SIGLEC1: variants seen among roughly 807,000 people sequenced by gnomAD.
SIGLEC1 encodes the protein sialoadhesin.
A neutral mutation model predicts 148.0 loss-of-function variants in SIGLEC1; 132 were observed. The ratio of observed to expected loss-of-function variants is 0.89; its 90% confidence interval spans 0.77 to 1.03. The LOEUF (loss-of-function observed/expected upper bound fraction) is 1.03, where lower values mean the gene tolerates loss of function less well. Ranked by LOEUF, SIGLEC1 falls within the 50% of genes least tolerant of loss-of-function variation. The pLI, the probability that SIGLEC1 is intolerant of heterozygous loss-of-function variation, is 0.00. For synonymous variants in SIGLEC1, 945 were observed against 969.0 expected (o/e 0.98, Z 0.46); for missense variants, 2,253 against 2,271.4 (o/e 0.99, Z 0.16).
Position 3,705,666 on chromosome 20 carries a change from G to T in SIGLEC1, c.706+78C>A, listed in dbSNP as rs1243345007. On this transcript the variant is annotated intron_variant, in intron 4 of 21. Transcript: ENST00000344754. ...CATCAGGAGCAAGGGTTCCGTTTCT[G>T]TGGGCTGGAGAGGGGCTGGTTTCTG... 17 of 1,472,902 alleles carry T rather than the reference G, an allele frequency of 1.2e-5. No homozygotes were observed. In the African/African-American group the frequency reaches 2.2e-4, roughly 19 times the overall value. 91.2% of individuals were successfully genotyped at this position (1,472,902 alleles called of 1,614,324 possible).
Position 3,689,957 on chromosome 20 carries a change from C to T in SIGLEC1, c.4894+5G>A. On this transcript the variant is annotated splice_donor_5th_base_variant and intron_variant, in intron 19 of 21. Coordinates refer to ENST00000344754, the MANE Select transcript of SIGLEC1 (RefSeq NM_023068.4). ...GGCCTGGGAGATGGAGCCCCCTCCCCTCACCTCTGACCCCAAAGTAGGTGG... is the reference window on the plus strand; with the variant it reads ...GGCCTGGGAGATGGAGCCCCCTCCCTTCACCTCTGACCCCAAAGTAGGTGG... 1 of 1,608,778 alleles carries T rather than the reference C, an allele frequency of 6.2e-7. No homozygotes were observed. Among genetic ancestry groups the T allele is most frequent in the Non-Finnish European group, 8.5e-7 (1 of 1,177,380 alleles).
Position 3,691,443 on chromosome 20 carries a change from G to C in SIGLEC1, c.4488C>G (p.Leu1496=). ...GAGCACGAGCCACGTGGGTGAAGGC[G>C]AGAGTGGGCACAGGCTCCGCGTGCA... ...RRLHAEPVPT[L]AFTHVARAQA... Residue 1496 remains leucine (L), a synonymous_variant, in exon 18 of 22, where the codon CTC becomes CTG. Coordinates refer to ENST00000344754, the MANE Select transcript of SIGLEC1 (RefSeq NM_023068.4). The C allele has an allele frequency of 6.2e-7, 1 of 1,613,312 alleles. No individual in the cohort carries two copies. Among genetic ancestry groups the C allele is most frequent in the African/African-American group, 1.3e-5 (1 of 75,082 alleles).
In SIGLEC1 at chr20:3,704,190, G is replaced by C. The variant is rs114909661; in HGVS notation, c.707-99C>G. The C allele has an allele frequency of 4.4e-5, 52 of 1,169,774 alleles. 1 individual carries two copies. The African/African-American group carries it at 6.7e-4, about 15-fold the overall frequency. 72.5% of individuals were successfully genotyped at this position (1,169,774 alleles called of 1,614,324 possible). On this transcript the variant is annotated intron_variant, in intron 4 of 21. Coordinates refer to ENST00000344754, the MANE Select transcript of SIGLEC1 (RefSeq NM_023068.4). ...CCTTTAAAAGCTCAGTCCTAAGGAA[G>C]TATGCCCAGATAAAACAGCAGTCCC...
At chr20:3,689,414 G>A (rs3746634) in intron 20 of SIGLEC1, 186 bp downstream of exon 20, 209,818 of 664,912 alleles carry the variant, frequency 0.32, 34,763 homozygotes, top group Admixed American at 0.37. Flanking sequence ...GAGGAAAGAA[G>A]GAAACTACAG....
At chr20:3,703,565 C>A (rs2087869412) in intron 5 of SIGLEC1, 114 bp from the exon 6 acceptor site, 2 of 1,339,952 alleles carry the variant, frequency 1.5e-6, no homozygotes, top group East Asian at 2.4e-5. Flanking sequence ...CCTACACCAC[C>A]CGCCTGCTGC....
chr20:3,694,184 C>T, intron 13 of SIGLEC1, 37 bp downstream of exon 13: 1 of 1,415,454 alleles, frequency 7.1e-7, no homozygotes, highest in Non-Finnish European at 9.4e-7. Context: ...GACACACACA[C>T]ACACACACAC....
At chr20:3,701,698 C>T in intron 6 of SIGLEC1, 57 bp from the exon 7 acceptor site, 2 of 1,473,772 alleles carry the variant, frequency 1.4e-6, no homozygotes, top group Non-Finnish European at 1.8e-6. Context: ...TCCCTGGATA[C>T]CCTGATACAA....
chr20:3,692,143 C>T lies in SIGLEC1; in HGVS notation c.4090G>A (p.Val1364Met), dbSNP rs34841135. ...TCACTGTCCACAGTGCACTGTATCACAGCCATGGATCTGGCCCTGGAGTCC... is the reference window on the plus strand; with the variant it reads ...TCACTGTCCACAGTGCACTGTATCATAGCCATGGATCTGGCCCTGGAGTCC... ...FRDSRARSMA[V>M]IQCTVDSEPP... Residue 1364 changes from valine (V) to methionine (M), a missense_variant, in exon 17 of 22, where the codon GTG (valine) becomes ATG (methionine). Transcript: ENST00000344754. 3.0e-5 allele frequency: 48 copies of T among 1,593,012 alleles called. No individual in the cohort carries two copies. The African/African-American group carries it at 4.7e-4, about 16-fold the overall frequency.
intron 1 of SIGLEC1, among the ~76,000 whole-genome samples, chr20:3,711,985 T>C (rs550587076): frequency 6.4e-4 from 95 of 149,388 alleles, no homozygotes; most frequent in African/African-American, 2.3e-3. Flanking sequence ...GGGGTGGACA[T>C]TGAGGTTGAG....
At position 3,690,187 on chromosome 20, in the gene SIGLEC1, C is replaced by G; in HGVS notation, c.4669G>C (p.Asp1557His). ...GTCAGGCTGGCGAGCGGCTCGCTGT[C>G]CACTCGGCAATCCAGGATGCCCCGG... ...GLRGILDCRV[D>H]SEPLASLTLH... is the part of the protein sequence containing the mutation. Residue 1557 changes from aspartate (D) to histidine (H), a missense_variant, in exon 19 of 22, where the codon GAC becomes CAC. Asp to His is a moderately conservative substitution (Grantham distance 81, BLOSUM62 -1). Coordinates refer to ENST00000344754, the MANE Select transcript of SIGLEC1 (RefSeq NM_023068.4). The G allele has an allele frequency of 6.4e-7, 1 of 1,568,572 alleles. No individual in the cohort carries two copies. Among genetic ancestry groups the G allele is most frequent in the Non-Finnish European group, 8.6e-7 (1 of 1,157,794 alleles).
At chr20:3,690,972 AGGTGTGT>A (rs1433205683) in intron 18 of SIGLEC1, among the ~76,000 whole-genome samples, 1 of 151,754 alleles carries the variant, frequency 6.6e-6, no homozygotes, top group Non-Finnish European at 1.5e-5. Flanking sequence ...CTGGGATTAC[AGGTGTGT>A]GCCTTCATGC....
At chr20:3,700,977 G>T (rs1217460502) in intron 7 of SIGLEC1, among the ~76,000 whole-genome samples, 1 of 152,112 alleles carries the variant, frequency 6.6e-6, no homozygotes, top group Non-Finnish European at 1.5e-5. Flanking sequence ...GGGATTACAG[G>T]AGTGAGCCAC....
rs756247278 is a variant in SIGLEC1 at position 3,691,497 on chromosome 20, G to T, written c.4434C>A (p.Thr1478=). The T allele has an allele frequency of 1.2e-6, 2 of 1,613,332 alleles. No homozygotes were observed. The highest frequency in any genetic ancestry group is 2.7e-5 in the African/African-American group (2 of 74,962). Residue 1478 remains threonine (T), a synonymous_variant, in exon 18 of 22, where the codon ACC becomes ACA. Coordinates refer to ENST00000344754, the MANE Select transcript of SIGLEC1 (RefSeq NM_023068.4). ...LGGPGPVGNS[T]FAWFWNDRRL... ...GCCGGTCATTCCAGAACCATGCAAA[G>T]GTGGAGTTGCCCACAGGCCCAGGGC...
chr20:3,689,896 G>T, intron 19 of SIGLEC1, 66 bp downstream of exon 19: 1 of 1,384,320 alleles, frequency 7.2e-7, no homozygotes, highest in Non-Finnish European at 1.0e-6. Flanking sequence ...AGGGAAGGAA[G>T]CCTTTGGGCC....
Position 3,693,024 on chromosome 20 carries a change from T to A in SIGLEC1, c.3616A>T (p.Ser1206Cys). 1.2e-6 allele frequency: 2 copies of A among 1,611,634 alleles called. No individual in the cohort carries two copies. Among genetic ancestry groups the A allele is most frequent in the Non-Finnish European group, 1.7e-6 (2 of 1,179,626 alleles). The change falls in exon 15 of 22, where the codon AGC (serine) becomes TGC (cysteine). Residue 1206 changes from serine to cysteine, a missense_variant. Physicochemically the swap from Ser to Cys is moderately radical, Grantham distance 112. Transcript: ENST00000344754. ...GAGGCCAAGAGGCGACCGGCGTGGC[T>A]GAGGGCCAGCTGGGCGGGCGGGCGG... is the stretch of plus-strand genomic sequence containing the variant. ...DSRPPAQLAL[S>C]HAGRLLASST...
Position 3,697,904 on chromosome 20 carries a change from C to T in SIGLEC1, c.2016G>A (p.Leu672=), listed in dbSNP as rs772104138. The T allele has an allele frequency of 1.2e-6, 2 of 1,613,106 alleles. No individual in the cohort carries two copies. Among genetic ancestry groups the T allele is most frequent in the South Asian group, 2.2e-5 (2 of 91,074 alleles). ...GCAAAGGGTTGTGAATCTCCACACG[C>T]AGCAAGTTGGGGGCTTTGGTGACCT... ...RMKVTKAPNL[L]RVEIHNPLLE... Residue 672 remains leucine (L), a synonymous_variant, in exon 9 of 22, where the codon CTG becomes CTA. Coordinates refer to ENST00000344754, the MANE Select transcript of SIGLEC1 (RefSeq NM_023068.4).
In SIGLEC1 at chr20:3,692,579, G is replaced by A. The variant is rs1411249575; in HGVS notation, c.3972C>T (p.Cys1324=). Residue 1324 remains cysteine, a synonymous_variant, in exon 16 of 22, where the codon TGC becomes TGT. Transcript: ENST00000344754. ...GGGTGCCCTGGGCATCCTGGGCCTG[G>A]CAAGAGTAGGCGCCTGCATGAGCCC... ...ATRAHAGAYS[C]QAQDAQGTRS... is the part of the protein sequence containing the mutation. 2 of 1,611,156 alleles carry A rather than the reference G, an allele frequency of 1.2e-6. No homozygotes were observed. Among genetic ancestry groups the A allele is most frequent in the South Asian group, 2.2e-5 (2 of 90,974 alleles).
Position 3,707,140 on chromosome 20 carries a change from G to C in SIGLEC1, c.-12C>G, listed in dbSNP as rs763041993. 18 of 1,613,800 alleles carry C rather than the reference G, an allele frequency of 1.1e-5. No individual in the cohort carries two copies. The highest frequency in any genetic ancestry group is 1.4e-5 in the Non-Finnish European group (17 of 1,179,766). ...GGCAAGAAGCCCATAGCAGGTTCTTGTGCTGCTCCTGTTGCCTAAGAGGGT... is the reference window on the plus strand; with the variant it reads ...GGCAAGAAGCCCATAGCAGGTTCTTCTGCTGCTCCTGTTGCCTAAGAGGGT... On this transcript the variant is annotated 5_prime_UTR_variant, in exon 2 of 22. Transcript: ENST00000344754.
intron 3 of SIGLEC1, 43 bp from the exon 4 acceptor site, chr20:3,706,083 C>T (rs376619966): frequency 1.9e-6 from 3 of 1,574,992 alleles, no homozygotes; most frequent in Non-Finnish European, 2.6e-6. Flanking sequence ...CTTTTGCCAC[C>T]CCTGAGATCC....
Sources: allele counts gnomAD v4.1 joint callset (sites outside exome capture counted in the v4.1 genomes callset), GRCh38; gene constraint gnomAD v4.1.1; transcripts MANE v1.5; gene names NCBI Gene and HGNC (gene_info 2026-07-23, HGNC 2026-07-21).